The following UBP1 variants were observed in gnomAD, a reference collection of about 807,000 sequenced individuals.
UBP1 encodes the protein upstream-binding protein 1.
In UBP1, 22 loss-of-function variants were observed where a neutral mutation model predicts 76.1. The ratio of observed to expected loss-of-function variants is 0.29; its 90% CI spans 0.21 to 0.41. The LOEUF (loss-of-function observed/expected upper bound fraction) is 0.41. UBP1 is among the 10% of genes least tolerant of loss of function. UBP1 has a pLI of 1.00. For missense variants in UBP1, 436 were observed against 668.1 expected (o/e 0.65, Z 3.83); for synonymous variants, 224 against 237.1 (o/e 0.94, Z 0.51).
At position 33,389,989 on chromosome 3, in the gene UBP1, T is replaced by A; in HGVS notation, c.*342A>T. ...AAATGCCCACAGTAAGTTTCTACAT[T>A]CATTTCCAAACCGCATACAGTGTAA... On this transcript the variant is annotated 3_prime_UTR_variant, in exon 16 of 16. Transcript: ENST00000283629. 1 of 242,580 alleles carries A rather than the reference T, an allele frequency of 4.1e-6. No homozygotes were observed. Among genetic ancestry groups the A allele is most frequent in the Non-Finnish European group, 8.0e-6 (1 of 125,262 alleles). The allele number at this position is 242,580 out of a possible 1,614,324, so 15.0% of individuals were successfully genotyped here.
At chr3:33,430,973 A>C (rs1057261898) in intron 1 of UBP1, among the ~76,000 whole-genome samples, 1 of 152,138 alleles carries the variant, frequency 6.6e-6, no homozygotes, top group Non-Finnish European at 1.5e-5. Context: ...CCAAATTATA[A>C]AATCGTACTT....
chr3:33,431,963 T>C (rs1052871237), intron 1 of UBP1, among the ~76,000 whole-genome samples: 1 of 152,092 alleles, frequency 6.6e-6, no homozygotes, highest in Non-Finnish European at 1.5e-5. Flanking sequence ...CAACCACTAT[T>C]AACAAAATCT....
intron 1 of UBP1, among the ~76,000 whole-genome samples, chr3:33,426,014 T>TATATATATATATAG (rs2045008768): frequency 1.1e-5 from 1 of 94,198 alleles, no homozygotes; most frequent in African/African-American, 3.7e-5. Context: ...TATATATATA[T>TATATATATATATAG]ATATATATAT....
chr3:33,430,209 T>C (rs1182815418), intron 1 of UBP1, among the ~76,000 whole-genome samples: 1 of 152,192 alleles, frequency 6.6e-6, no homozygotes, highest in Non-Finnish European at 1.5e-5. Flanking sequence ...AGCCTAGAAC[T>C]GAAAGTGGCT....
Position 33,409,745 on chromosome 3 carries a change from A to G in UBP1, c.556-144T>C, listed in dbSNP as rs62252110. The G allele has an allele frequency of 2.3e-3, 2,409 of 1,050,528 alleles. 2 individuals are homozygous for G. Among genetic ancestry groups the G allele is most frequent in the Non-Finnish European group, 3.0e-3 (2,210 of 733,006 alleles). The allele number at this position is 1,050,528 out of a possible 1,614,324, so 65.1% of individuals were successfully genotyped here. A position where few individuals can be genotyped will look rare whatever the true frequency, so the allele number is the denominator to read the frequency against. On this transcript the variant is annotated intron_variant, in intron 5 of 15. Transcript: ENST00000283629. ...ATCACACATATTAGCCAAATTATCT[A>G]TGAACCTAATTGTTTTTAAGATATG...
upstream of UBP1, among the ~76,000 whole-genome samples, chr3:33,441,075 C>T (rs1472427192): frequency 2.0e-5 from 3 of 152,248 alleles, no homozygotes; most frequent in African/African-American, 4.8e-5. Flanking sequence ...AGCTGTTGGT[C>T]ATCCTAAGGG....
intron 15 of UBP1, chr3:33,391,605 T>G (rs190848800): frequency 6.6e-6 from 1 of 152,312 alleles, no homozygotes; most frequent in East Asian, 1.9e-4. Context: ...TACTTACCTC[T>G]TCAATGAGAT....
At chr3:33,437,754 G>A (rs1208397103) in intron 1 of UBP1, among the ~76,000 whole-genome samples, 1 of 152,194 alleles carries the variant, frequency 6.6e-6, no homozygotes, top group Non-Finnish European at 1.5e-5. Flanking sequence ...CAGGGCTCCA[G>A]GGCCAGGCAT....
At chr3:33,427,784 A>C (rs2154059423) in intron 1 of UBP1, among the ~76,000 whole-genome samples, 1 of 152,372 alleles carries the variant, frequency 6.6e-6, no homozygotes, top group South Asian at 2.1e-4. Context: ...GTAATAACCA[A>C]GGATCACACG....
intron 1 of UBP1, among the ~76,000 whole-genome samples, chr3:33,427,523 T>C (rs950921629): frequency 1.5e-4 from 23 of 152,210 alleles, no homozygotes; most frequent in Non-Finnish European, 3.2e-4. Flanking sequence ...TATTTTCTCT[T>C]TTTTTCCTAC....
At chr3:33,425,192 T>A (rs2044991718) in intron 2 of UBP1, among the ~76,000 whole-genome samples, 1 of 152,188 alleles carries the variant, frequency 6.6e-6, no homozygotes, top group African/African-American at 2.4e-5. Flanking sequence ...ACAGACTCCA[T>A]CCTGGTGCAG....
chr3:33,418,116 T>G (rs888283722), intron 2 of UBP1, among the ~76,000 whole-genome samples: 4 of 152,178 alleles, frequency 2.6e-5, no homozygotes, highest in Admixed American at 6.5e-5. Context: ...CAGAAATAAT[T>G]TTCAAAATGA....
At position 33,390,357 on chromosome 3, in the gene UBP1, C is replaced by G. The variant is rs1487316796; in HGVS notation, c.1597G>C (p.Asp533His). The G allele has an allele frequency of 6.2e-7, 1 of 1,614,134 alleles. No homozygotes were observed. The highest frequency in any genetic ancestry group is 1.1e-5 in the South Asian group (1 of 91,076). The part of the protein sequence containing the change: ...LFSTVKAESS[D>H]GIHIILK ...CACTTCAAAATTATGTGGATGCCAT[C>G]ACTACTTTCAGCTGCAGAAAAAGGA... The change falls in exon 16 of 16, where the codon GAT becomes CAT. Residue 533 changes from aspartate to histidine, a missense_variant. This residue lies in a region of UBP1 where 210 missense variants were observed against 272.8 expected (regional missense o/e 0.77). Coordinates refer to ENST00000283629, the MANE Select transcript of UBP1 (RefSeq NM_014517.5).
At chr3:33,407,376 A>G (rs756630535) in intron 8 of UBP1, among the ~76,000 whole-genome samples, 21 of 152,186 alleles carry the variant, frequency 1.4e-4, no homozygotes, top group Non-Finnish European at 2.8e-4. Context: ...TAAATGGTTT[A>G]TAACAGGAGA....
At chr3:33,403,564 G>GTCTATCTATCTATCTATCTATCTATCTA (rs1166163762) in intron 8 of UBP1, 6 of 141,560 alleles carry the variant, frequency 4.2e-5, no homozygotes, top group East Asian at 4.1e-4. Flanking sequence ...CTGTCTGTCT[G>GTCTATCTATCTATCTATCTATCTATCTA]TCTGTCTGTC....
chr3:33,439,901 G>C lies in UBP1; in HGVS notation c.-53C>G. ...CCGCGGCCTCCGCGTCCAGGGCGAA[G>C]GAGCCGGAGCTCCGCTGGCGCGTCC... is the stretch of plus-strand genomic sequence containing the variant. On this transcript the variant is annotated 5_prime_UTR_variant, in exon 1 of 16. Coordinates refer to ENST00000283629, the MANE Select transcript of UBP1 (RefSeq NM_014517.5). The C allele has an allele frequency of 6.3e-7, 1 of 1,598,980 alleles. No homozygotes were observed. The highest frequency in any genetic ancestry group is 8.5e-7 in the Non-Finnish European group (1 of 1,171,486).
At chr3:33,436,092 T>A (rs2045200092) in intron 1 of UBP1, among the ~76,000 whole-genome samples, 1 of 152,348 alleles carries the variant, frequency 6.6e-6, no homozygotes, top group African/African-American at 2.4e-5. Context: ...AAGTTGAAAT[T>A]CTGTTACCTT....
At chr3:33,437,939 G>GA (rs1050701532) in intron 1 of UBP1, among the ~76,000 whole-genome samples, 22 of 148,844 alleles carry the variant, frequency 1.5e-4, no homozygotes, top group African/African-American at 2.5e-4. Flanking sequence ...AATTAAATAC[G>GA]AAAAAAAAAC....
chr3:33,413,465 T>C (rs1019496655), intron 3 of UBP1, among the ~76,000 whole-genome samples: 1 of 144,932 alleles, frequency 6.9e-6, no homozygotes, highest in Non-Finnish European at 1.5e-5. Flanking sequence ...AAGAATGGTG[T>C]GAACCCGGGA....
Sources: gnomAD v4.1 joint callset for allele counts (sites outside exome capture counted in the v4.1 genomes callset) on GRCh38, gnomAD v4.1.1 for gene constraint, gnomAD v4.1.1 regional missense constraint, MANE v1.5 for transcripts, NCBI Gene and HGNC (gene_info 2026-07-23, HGNC 2026-07-21) for gene names.